NLRP8: variants seen among roughly 807,000 people sequenced by gnomAD.
NLRP8 encodes NLR family pyrin domain containing 8.
NLRP8 carries 86 observed loss-of-function variants against 88.7 expected under a neutral mutation model. The ratio of observed to expected loss-of-function variants is 0.97; its 90% CI spans 0.81 to 1.16. NLRP8 has a LOEUF of 1.16. Ranked by LOEUF, NLRP8 falls within the 50% of genes most tolerant of loss-of-function variation. The pLI is 0.00. For synonymous variants in NLRP8, 504 were observed against 494.6 expected (o/e 1.02, Z -0.25); for missense variants, 1,342 against 1,286.5 (o/e 1.04, Z -0.66).
chr19:55,972,413 T>G (rs898920296), intron 6 of NLRP8, among the ~76,000 whole-genome samples: 7 of 126,772 alleles, frequency 5.5e-5, no homozygotes, highest in African/African-American at 1.8e-4. Context: ...CTGCACCTAG[T>G]CTTTTTTTTT....
chr19:55,963,572 T>C (rs959769799), intron 4 of NLRP8, among the ~76,000 whole-genome samples: 5 of 151,552 alleles, frequency 3.3e-5, no homozygotes, highest in Non-Finnish European at 7.4e-5. Context: ...TTTTTCCAGG[T>C]GGGGTCTTGC....
At chr19:55,956,906 C>A (rs1258315627) in intron 3 of NLRP8, among the ~76,000 whole-genome samples, 3 of 152,172 alleles carry the variant, frequency 2.0e-5, no homozygotes, top group African/African-American at 7.2e-5. Context: ...AATTCTCCCA[C>A]CTCAGCCTCC....
chr19:55,952,900 G>A (rs1455853732), intron 2 of NLRP8, among the ~76,000 whole-genome samples: 19 of 151,982 alleles, frequency 1.3e-4, no homozygotes, highest in Admixed American at 1.2e-3. Context: ...GCACTCTTGG[G>A]TGACAGATTG....
chr19:55,954,363 C>T (rs1979232484), intron 2 of NLRP8, 138 bp from the exon 3 acceptor site: 3 of 850,932 alleles, frequency 3.5e-6, no homozygotes, highest in Admixed American at 2.7e-5. Context: ...ACAGCAGTAT[C>T]AGGAAAGGTT....
chr19:55,988,335 C>T lies in NLRP8; in HGVS notation c.*422C>T. ...ACTTGAATCTAGGAGGCAGAGTTTGCAGTGAGCTGAGATCACGCCATTGCA... is the reference window on the plus strand; with the variant it reads ...ACTTGAATCTAGGAGGCAGAGTTTGTAGTGAGCTGAGATCACGCCATTGCA... On this transcript the variant is annotated 3_prime_UTR_variant, in exon 10 of 10. Transcript: ENST00000291971. The T allele has an allele frequency of 6.3e-6, 1 of 157,758 alleles. No individual in the cohort carries two copies. The highest frequency in any genetic ancestry group is 1.8e-4 in the East Asian group (1 of 5,458). The allele number at this position is 157,758 out of a possible 1,614,324, so 9.8% of individuals were successfully genotyped here. A position where few individuals can be genotyped will look rare whatever the true frequency, so the allele number is the denominator to read the frequency against.
intron 3 of NLRP8, among the ~76,000 whole-genome samples, chr19:55,960,897 CTTTTTTTTTT>C (rs36087472): frequency 1.1e-5 from 1 of 91,006 alleles, no homozygotes; most frequent in Admixed American, 1.4e-4. Flanking sequence ...AACTATTTCT[CTTTTTTTTTT>C]TTTTTTTTTT....
chr19:55,959,482 G>A (rs1300537604), intron 3 of NLRP8, among the ~76,000 whole-genome samples: 1 of 151,708 alleles, frequency 6.6e-6, no homozygotes, highest in African/African-American at 2.4e-5. Flanking sequence ...AAAGTGCTGG[G>A]ATTACAGGCG....
chr19:55,953,308 A>G (rs1979178349), intron 2 of NLRP8, among the ~76,000 whole-genome samples: 1 of 152,136 alleles, frequency 6.6e-6, no homozygotes, highest in African/African-American at 2.4e-5. Context: ...GTGACTCTAC[A>G]TTATACTGAG....
At position 55,987,825 on chromosome 19, in the gene NLRP8, C is replaced by T; in HGVS notation, c.3059C>T (p.Ala1020Val). ...TTACCTCCCTCCAGCTGTATTCCTG[C>T]CTGGACTCGAATAACTAGCTTCTCC... is the stretch of plus-strand genomic sequence containing the variant. Residue 1020 changes from alanine (A) to valine (V), a missense_variant, in exon 10 of 10, where the codon GCC becomes GTC. Coordinates refer to ENST00000291971, the MANE Select transcript of NLRP8 (RefSeq NM_176811.2). 1.2e-6 allele frequency: 2 copies of T among 1,613,638 alleles called. No individual in the cohort carries two copies. Among genetic ancestry groups the T allele is most frequent in the Non-Finnish European group, 1.7e-6 (2 of 1,179,630 alleles).
intron 4 of NLRP8, among the ~76,000 whole-genome samples, chr19:55,964,754 A>C (rs1374558558): frequency 6.6e-6 from 1 of 150,964 alleles, no homozygotes; most frequent in Non-Finnish European, 1.5e-5. Context: ...TCTGTCTCAA[A>C]AAAAAAAAAA....
In NLRP8 at chr19:55,967,324, C is replaced by A. The variant is rs577263503; in HGVS notation, c.2381+944C>A. Among the ~76,000 whole-genome samples, 24 of 152,318 alleles carry A rather than the reference C, an allele frequency of 1.6e-4. No homozygotes were observed. The South Asian group carries it at 4.6e-3, about 29-fold the overall frequency. ...GCATAAATGGTTTTAACCATCCTGACCTTCCCCTGCTCTCCACCCTCCCAC... is the reference window on the plus strand; with the variant it reads ...GCATAAATGGTTTTAACCATCCTGAACTTCCCCTGCTCTCCACCCTCCCAC... On this transcript the variant is annotated intron_variant, in intron 5 of 9. Transcript: ENST00000291971.
chr19:55,964,963 A>G (rs1979775254), intron 4 of NLRP8, among the ~76,000 whole-genome samples: 1 of 152,138 alleles, frequency 6.6e-6, no homozygotes, highest in Non-Finnish European at 1.5e-5. Flanking sequence ...TTAGAGGTGC[A>G]AGGCAAATCT....
chr19:55,967,778 G>C (rs902220880), intron 5 of NLRP8, among the ~76,000 whole-genome samples: 2 of 152,228 alleles, frequency 1.3e-5, no homozygotes, highest in African/African-American at 4.8e-5. Context: ...GGAATTTCAT[G>C]AGCCAGTTGT....
intron 7 of NLRP8, among the ~76,000 whole-genome samples, chr19:55,975,094 T>A (rs1206205994): frequency 2.0e-5 from 3 of 152,164 alleles, no homozygotes; most frequent in Non-Finnish European, 4.4e-5. Flanking sequence ...TTTGTTTGTT[T>A]GCTCTAGAGA....
chr19:55,948,208 G>A lies in NLRP8; in HGVS notation c.306G>A (p.Ser102=), dbSNP rs144859503. 4.6e-4 allele frequency: 750 copies of A among 1,614,118 alleles called. 4 individuals are homozygous for A. The African/African-American group carries it at 8.6e-3, about 19-fold the overall frequency. ...GACGACGCGCTTGGGATGTGACTTC[G>A]AACATCTTTGCCATTATGAACTGTG... The change falls in exon 1 of 10, where the codon TCG becomes TCA. Residue 102 remains serine, a synonymous_variant. Transcript: ENST00000291971.
chr19:55,960,859 C>A (rs1020400706), intron 3 of NLRP8, among the ~76,000 whole-genome samples: 1 of 151,158 alleles, frequency 6.6e-6, no homozygotes, highest in African/African-American at 2.4e-5. Context: ...AAACTATTTC[C>A]CCCTTGACAT....
At position 55,956,084 on chromosome 19, in the gene NLRP8, T is replaced by A; in HGVS notation, c.2026T>A (p.Ser676Thr). The A allele has an allele frequency of 6.2e-7, 1 of 1,612,820 alleles. No individual in the cohort carries two copies. The highest frequency in any genetic ancestry group is 8.5e-7 in the Non-Finnish European group (1 of 1,179,194). ...GAACGTGTGGAAGCTCAGCTCCAGCTCCCATCCTGGCTCTGAGTAAGTGCT... is the reference window on the plus strand; with the variant it reads ...GAACGTGTGGAAGCTCAGCTCCAGCACCCATCCTGGCTCTGAGTAAGTGCT... Residue 676 changes from serine (S) to threonine (T), a missense_variant, in exon 3 of 10, where the codon TCC becomes ACC. Physicochemically the swap from Ser to Thr is moderately conservative, Grantham distance 58. Coordinates refer to ENST00000291971, the MANE Select transcript of NLRP8 (RefSeq NM_176811.2).
intron 1 of NLRP8, 31 bp from the exon 2 acceptor site, chr19:55,952,507 C>A (rs1160492591): frequency 1.3e-6 from 2 of 1,584,966 alleles, no homozygotes; most frequent in Non-Finnish European, 8.7e-7. Flanking sequence ...CTTATCATTC[C>A]CGTGGAACAG....
At chr19:55,985,041 C>T (rs561361689) in intron 9 of NLRP8, among the ~76,000 whole-genome samples, 4 of 152,278 alleles carry the variant, frequency 2.6e-5, no homozygotes, top group African/African-American at 7.2e-5. Flanking sequence ...CGGTGGCTCA[C>T]GCCTGTCATC....
Sources: allele counts gnomAD v4.1 joint callset (sites outside exome capture counted in the v4.1 genomes callset), GRCh38; gene constraint gnomAD v4.1.1; transcripts MANE v1.5; gene names NCBI Gene and HGNC (gene_info 2026-07-23, HGNC 2026-07-21).